PURA: variants seen among roughly 807,000 people sequenced by gnomAD.
PURA encodes purine rich element binding protein A.
In PURA, 2 loss-of-function variants were observed where a neutral mutation model predicts 23.1. The observed-to-expected ratio is 0.09, with a 90% CI of 0.04 to 0.27. The LOEUF is 0.27. Among genes scored for constraint, PURA ranks in the 10% least tolerant of loss-of-function variants. PURA has a pLI of 1.00. For synonymous variants in PURA, 254 were observed against 205.9 expected, an observed-to-expected ratio of 1.23 and a Z score of -2.00; for missense variants, 187 against 449.7, an observed-to-expected ratio of 0.42 and a Z score of 5.28.
rs1244305439 is a variant in PURA, at chr5:140,124,291, A to C, written c.*9141A>C. On this transcript the variant is annotated 3_prime_UTR_variant, in exon 1 of 1. Transcript: ENST00000331327. ...AGCTTTGTACACACCTCATACTTAA[A>C]ACCAAGTGAGAGGCCTCTTTTCAGA... 1 of 166,926 alleles carries C rather than the reference A, an allele frequency of 6.0e-6. No individual in the cohort carries two copies. The highest frequency in any genetic ancestry group is 6.6e-5 in the Admixed American group (1 of 15,254). The allele number at this position is 166,926 out of a possible 1,614,324, so 10.3% of individuals were successfully genotyped here.
rs1763146625 is a variant in PURA at position 140,120,936 on chromosome 5, T to G, written c.*5786T>G. On this transcript the variant is annotated 3_prime_UTR_variant, in exon 1 of 1. Coordinates refer to ENST00000331327, the MANE Select transcript of PURA (RefSeq NM_005859.5). ...GATGTCCTTTGCTTTTGTGGAAGAT[T>G]GTCCTGTTGATAGGCAGAAACATGG... is the stretch of plus-strand genomic sequence containing the variant. The G allele has an allele frequency of 6.0e-6, 1 of 166,910 alleles. No homozygotes were observed. The highest frequency in any genetic ancestry group is 6.6e-5 in the Admixed American group (1 of 15,264). 10.3% of individuals were successfully genotyped at this position (166,910 alleles called of 1,614,324 possible). A position where few individuals can be genotyped will look rare whatever the true frequency, so the allele number is the denominator to read the frequency against.
chr5:140,114,608 C>A lies in PURA; in HGVS notation c.427C>A (p.Leu143Ile). The stretch of plus-strand genomic sequence containing the variant: ...GGCGCAGGACGAGCCGCGCCGGGCG[C>A]TCAAAAGCGAGTTCCTGGTGCGCGA... ...AQAQDEPRRA[L>I]KSEFLVRENR... The change falls in exon 1 of 1, where the codon CTC (leucine) becomes ATC (isoleucine). Residue 143 changes from leucine to isoleucine, a missense_variant. By Grantham distance (5) the Leu-to-Ile change is conservative (BLOSUM62 2). Coordinates refer to ENST00000331327, the MANE Select transcript of PURA (RefSeq NM_005859.5). 1 of 1,607,518 alleles carries A rather than the reference C, an allele frequency of 6.2e-7. No homozygotes were observed. The highest frequency in any genetic ancestry group is 8.5e-7 in the Non-Finnish European group (1 of 1,178,360).
rs1206438314 is a variant in PURA, at chr5:140,120,266, T to TACAC, written c.*5120_*5123dup. The TACAC allele has an allele frequency of 6.0e-6, 1 of 166,828 alleles. No homozygotes were observed. The highest frequency in any genetic ancestry group is 2.1e-4 in the South Asian group (1 of 4,832). The allele number at this position is 166,828 out of a possible 1,614,324, so 10.3% of individuals were successfully genotyped here. On this transcript the variant is annotated 3_prime_UTR_variant, in exon 1 of 1. Coordinates refer to ENST00000331327, the MANE Select transcript of PURA (RefSeq NM_005859.5). ...TTGTGTGTGTGTATATGTATATAGA[T>TACAC]ACACACATCTCCTTGAGAGTGGAAT...
Position 140,121,025 on chromosome 5 carries a change from A to C in PURA, c.*5875A>C, listed in dbSNP as rs1470657089. 7 of 166,874 alleles carry C rather than the reference A, an allele frequency of 4.2e-5. No homozygotes were observed. Among genetic ancestry groups the C allele is most frequent in the African/African-American group, 1.7e-4 (7 of 41,418 alleles). The allele number at this position is 166,874 out of a possible 1,614,324, so 10.3% of individuals were successfully genotyped here. On this transcript the variant is annotated 3_prime_UTR_variant, in exon 1 of 1. Coordinates refer to ENST00000331327, the MANE Select transcript of PURA (RefSeq NM_005859.5). ...ATCAGAAGTATTTCACTCATTTTGG[A>C]ATCACAGGATTTTCATGTTTTCATA...
rs1171259128 is a variant in PURA at position 140,117,413 on chromosome 5, CTG to C, written c.*2266_*2267del. On this transcript the variant is annotated 3_prime_UTR_variant, in exon 1 of 1. Transcript: ENST00000331327. ...AGCTGTTTTGTTCACTGTACTTTAA[CTG>C]TGATATGGAAAAGACTGCATTCTCT... 6.0e-6 allele frequency: 1 copy of C among 166,836 alleles called. No individual in the cohort carries two copies. Among genetic ancestry groups the C allele is most frequent in the Non-Finnish European group, 1.5e-5 (1 of 68,082 alleles). The allele number at this position is 166,836 out of a possible 1,614,324, so 10.3% of individuals were successfully genotyped here. A position where few individuals can be genotyped will look rare whatever the true frequency, so the allele number is the denominator to read the frequency against.
rs1388809628 is a variant in PURA at position 140,125,048 on chromosome 5, G to A, written c.*9898G>A. 6.0e-6 allele frequency: 1 copy of A among 166,756 alleles called. No homozygotes were observed. Among genetic ancestry groups the A allele is most frequent in the Non-Finnish European group, 1.5e-5 (1 of 68,066 alleles). 10.3% of individuals were successfully genotyped at this position (166,756 alleles called of 1,614,324 possible). A position where few individuals can be genotyped will look rare whatever the true frequency, so the allele number is the denominator to read the frequency against. ...CCAGTCCTGGTATAAAATGAATTAC[G>A]GGTATCCCTCTAAGTCCCTATAACC... is the stretch of plus-strand genomic sequence containing the variant. On this transcript the variant is annotated 3_prime_UTR_variant, in exon 1 of 1. Coordinates refer to ENST00000331327, the MANE Select transcript of PURA (RefSeq NM_005859.5).
At position 140,125,301 on chromosome 5, in the gene PURA, A is replaced by G. The variant is rs1763200034; in HGVS notation, c.*10151A>G. Reference sequence around the variant, plus strand: ...CAACTATTGGCTTAAAACCTTTCATATTGGAATTATTGTTAGATGGTGGCC... The same window carrying G: ...CAACTATTGGCTTAAAACCTTTCATGTTGGAATTATTGTTAGATGGTGGCC... On this transcript the variant is annotated 3_prime_UTR_variant, in exon 1 of 1. Coordinates refer to ENST00000331327, the MANE Select transcript of PURA (RefSeq NM_005859.5). 6.0e-6 allele frequency: 1 copy of G among 167,002 alleles called. No individual in the cohort carries two copies. Among genetic ancestry groups the G allele is most frequent in the Admixed American group, 6.5e-5 (1 of 15,278 alleles). The allele number at this position is 167,002 out of a possible 1,614,324, so 10.3% of individuals were successfully genotyped here. A position where few individuals can be genotyped will look rare whatever the true frequency, so the allele number is the denominator to read the frequency against.
rs1292888333 is a variant in PURA, at chr5:140,114,910, T to C, written c.729T>C (p.Phe243=). 1 of 1,614,258 alleles carries C rather than the reference T, an allele frequency of 6.2e-7. No homozygotes were observed. Among genetic ancestry groups the C allele is most frequent in the East Asian group, 2.2e-5 (1 of 44,894 alleles). The change falls in exon 1 of 1, where the codon TTT becomes TTC. Residue 243 remains phenylalanine, a synonymous_variant. Coordinates refer to ENST00000331327, the MANE Select transcript of PURA (RefSeq NM_005859.5). The part of the protein sequence containing the change: ...FDVGSNKYGV[F]MRVSEVKPTY... ...TGGGCTCCAACAAGTACGGCGTGTT[T>C]ATGCGAGTGAGCGAGGTGAAGCCCA...
rs1227507292 is a variant in PURA at position 140,124,814 on chromosome 5, A to G, written c.*9664A>G. 1 of 166,990 alleles carries G rather than the reference A, an allele frequency of 6.0e-6. No homozygotes were observed. Among genetic ancestry groups the G allele is most frequent in the Non-Finnish European group, 1.5e-5 (1 of 68,088 alleles). 10.3% of individuals were successfully genotyped at this position (166,990 alleles called of 1,614,324 possible). On this transcript the variant is annotated 3_prime_UTR_variant, in exon 1 of 1. Transcript: ENST00000331327. ...GGAAAAGAGAAAAATTCAGTCTCCAAACCTTTTCTTGGAGACAAAATTTAC... is the reference window on the plus strand; with the variant it reads ...GGAAAAGAGAAAAATTCAGTCTCCAGACCTTTTCTTGGAGACAAAATTTAC...
Position 140,116,488 on chromosome 5 carries a change from A to G in PURA, c.*1338A>G, listed in dbSNP as rs991508027. 3 of 167,078 alleles carry G rather than the reference A, an allele frequency of 1.8e-5. No individual in the cohort carries two copies. Among genetic ancestry groups the G allele is most frequent in the African/African-American group, 4.8e-5 (2 of 41,440 alleles). 10.3% of individuals were successfully genotyped at this position (167,078 alleles called of 1,614,324 possible). A position where few individuals can be genotyped will look rare whatever the true frequency, so the allele number is the denominator to read the frequency against. ...ATGCTAAGTGTATTTGTGTTCCCCA[A>G]GTGTACAAGCCTTCTATCAAAAGTA... On this transcript the variant is annotated 3_prime_UTR_variant, in exon 1 of 1. Coordinates refer to ENST00000331327, the MANE Select transcript of PURA (RefSeq NM_005859.5).
At position 140,114,661 on chromosome 5, in the gene PURA, G is replaced by A. The variant is rs759194196; in HGVS notation, c.480G>A (p.Lys160=). 1.9e-5 allele frequency: 30 copies of A among 1,611,606 alleles called. No individual in the cohort carries two copies. In the Admixed American group the frequency reaches 4.2e-4, roughly 22 times the overall value. Residue 160 remains lysine (K), a synonymous_variant, in exon 1 of 1, where the codon AAG becomes AAA. Coordinates refer to ENST00000331327, the MANE Select transcript of PURA (RefSeq NM_005859.5). ...ACCGCAAGTACTACATGGATCTCAA[G>A]GAGAACCAGCGCGGCCGCTTCCTGC... ...RENRKYYMDL[K]ENQRGRFLRI...
Position 140,115,117 on chromosome 5 carries a change from A to T in PURA, c.936A>T (p.Leu312=). The change falls in exon 1 of 1, where the codon CTA becomes CTT. Residue 312 remains leucine (L), a synonymous_variant. Coordinates refer to ENST00000331327, the MANE Select transcript of PURA (RefSeq NM_005859.5). This position sits in a 1 kb window ranked among gnomAD's most constrained non-coding sequence, Gnocchi z 4.1. ...AGGAGACCGCCGCTGCCACCCTGCT[A>T]CTGCAGGGTGAGGAAGAAGGGGAAG... ...QQEETAAATL[L]LQGEEEGEED The T allele has an allele frequency of 6.3e-7, 1 of 1,597,634 alleles. No homozygotes were observed. Among genetic ancestry groups the T allele is most frequent in the Non-Finnish European group, 8.5e-7 (1 of 1,171,810 alleles).
In PURA at chr5:140,115,171, A is replaced by C. The variant is rs200742171; in HGVS notation, c.*21A>C. On this transcript the variant is annotated 3_prime_UTR_variant, in exon 1 of 1. Coordinates refer to ENST00000331327, the MANE Select transcript of PURA (RefSeq NM_005859.5). The surrounding 1 kb of genome is among the most constrained non-coding windows in gnomAD (Gnocchi z 4.1). ...ATTGATCAAACTGAATGAAACCCCCACACACACACACATGCATACACACAC... is the reference window on the plus strand; with the variant it reads ...ATTGATCAAACTGAATGAAACCCCCCCACACACACACATGCATACACACAC... The C allele has an allele frequency of 2.3e-3, 2,861 of 1,246,594 alleles. 15 individuals are homozygous for C. Among genetic ancestry groups the C allele is most frequent in the African/African-American group, 8.9e-3 (587 of 65,670 alleles). The allele number at this position is 1,246,594 out of a possible 1,614,324, so 77.2% of individuals were successfully genotyped here. A position where few individuals can be genotyped will look rare whatever the true frequency, so the allele number is the denominator to read the frequency against.
At position 140,120,376 on chromosome 5, in the gene PURA, T is replaced by A. The variant is rs1763139361; in HGVS notation, c.*5226T>A. 1 of 165,240 alleles carries A rather than the reference T, an allele frequency of 6.1e-6. No homozygotes were observed. Among genetic ancestry groups the A allele is most frequent in the African/African-American group, 2.4e-5 (1 of 40,852 alleles). 10.2% of individuals were successfully genotyped at this position (165,240 alleles called of 1,614,324 possible). A position where few individuals can be genotyped will look rare whatever the true frequency, so the allele number is the denominator to read the frequency against. On this transcript the variant is annotated 3_prime_UTR_variant, in exon 1 of 1. Coordinates refer to ENST00000331327, the MANE Select transcript of PURA (RefSeq NM_005859.5). Reference sequence around the variant, plus strand: ...TGTAGATTTGTTAAAGTGTATCAATTTTTAAATCACAATATTTCTGTTTTC... The same window carrying A: ...TGTAGATTTGTTAAAGTGTATCAATATTTAAATCACAATATTTCTGTTTTC...
Position 140,114,484 on chromosome 5 carries a change from T to A in PURA, c.303T>A (p.Thr101=). Residue 101 remains threonine, a synonymous_variant, in exon 1 of 1, where the codon ACT becomes ACA. Transcript: ENST00000331327. ...CGGGCGGCAACAAGAGCCGCCTTAC[T>A]CTCTCCATGTCAGTGGCCGTGGAGT... ...VGAGGNKSRL[T]LSMSVAVEFR... is the part of the protein sequence containing the mutation. The A allele has an allele frequency of 6.2e-7, 1 of 1,612,512 alleles. No homozygotes were observed.
Position 140,119,898 on chromosome 5 carries a change from A to G in PURA, c.*4748A>G, listed in dbSNP as rs1021896853. The stretch of plus-strand genomic sequence containing the variant: ...TACACACACATTTCCAGATAATTTT[A>G]GAATGGGGCTATCTGAAATTGATGG... On this transcript the variant is annotated 3_prime_UTR_variant, in exon 1 of 1. Coordinates refer to ENST00000331327, the MANE Select transcript of PURA (RefSeq NM_005859.5). 6.0e-6 allele frequency: 1 copy of G among 166,592 alleles called. No homozygotes were observed. Among genetic ancestry groups the G allele is most frequent in the African/African-American group, 2.4e-5 (1 of 41,436 alleles). The allele number at this position is 166,592 out of a possible 1,614,324, so 10.3% of individuals were successfully genotyped here. A position where few individuals can be genotyped will look rare whatever the true frequency, so the allele number is the denominator to read the frequency against.
In PURA at chr5:140,115,918, G is replaced by A; in HGVS notation, c.*768G>A. 6.0e-6 allele frequency: 1 copy of A among 167,024 alleles called. No homozygotes were observed. The highest frequency in any genetic ancestry group is 1.5e-5 in the Non-Finnish European group (1 of 68,080). 10.3% of individuals were successfully genotyped at this position (167,024 alleles called of 1,614,324 possible). A position where few individuals can be genotyped will look rare whatever the true frequency, so the allele number is the denominator to read the frequency against. On this transcript the variant is annotated 3_prime_UTR_variant, in exon 1 of 1. Transcript: ENST00000331327. The surrounding 1 kb of genome is among the most constrained non-coding windows in gnomAD (Gnocchi z 4.1). ...ATCTGGACCTTAAACTTATAAAAAT[G>A]GTCAGTGAAACTTCTGTGAACATGA...
At position 140,114,409 on chromosome 5, in the gene PURA, C is replaced by T. The variant is rs1436569103; in HGVS notation, c.228C>T (p.Asp76=). The T allele has an allele frequency of 6.2e-7, 1 of 1,612,752 alleles. No homozygotes were observed. The highest frequency in any genetic ancestry group is 1.7e-5 in the Admixed American group (1 of 60,004). Reference sequence around the variant, plus strand: ...TCCAGAACAAGCGCTTCTACCTGGACGTGAAGCAGAACGCCAAGGGCCGCT... The same window carrying T: ...TCCAGAACAAGCGCTTCTACCTGGATGTGAAGCAGAACGCCAAGGGCCGCT... ...VDIQNKRFYL[D]VKQNAKGRFL... Residue 76 remains aspartate (D), a synonymous_variant, in exon 1 of 1, where the codon GAC becomes GAT. Transcript: ENST00000331327.
rs1763168733 is a variant in PURA, at chr5:140,122,944, A to G, written c.*7794A>G. 1.2e-5 allele frequency: 2 copies of G among 166,868 alleles called. No individual in the cohort carries two copies. The highest frequency in any genetic ancestry group is 1.3e-4 in the Admixed American group (2 of 15,236). The allele number at this position is 166,868 out of a possible 1,614,324, so 10.3% of individuals were successfully genotyped here. ...TTACTCACATCTCTATATATTAGTG[A>G]TAAAAATCTCTTTTAAAAATAGCAA... On this transcript the variant is annotated 3_prime_UTR_variant, in exon 1 of 1. Coordinates refer to ENST00000331327, the MANE Select transcript of PURA (RefSeq NM_005859.5).
Sources: gnomAD v4.1 joint callset for allele counts on GRCh38, gnomAD v4.1.1 for gene constraint, Gnocchi (gnomAD v3.1) non-coding constraint, MANE v1.5 for transcripts, NCBI Gene and HGNC (gene_info 2026-07-23, HGNC 2026-07-21) for gene names.